MAF: variants seen among roughly 807,000 people sequenced by gnomAD.
MAF encodes the protein transcription factor Maf.
Under a neutral mutation model 22.0 loss-of-function variants are expected in MAF, and 10 were observed. The observed-to-expected ratio is 0.45, with a 90% CI of 0.28 to 0.77. The LOEUF (loss-of-function observed/expected upper bound fraction) is 0.77. Among genes scored for constraint, MAF ranks in the 30% least tolerant of loss-of-function variants. MAF has a pLI of 0.12. For missense variants in MAF, 544 were observed against 548.4 expected (o/e 0.99, Z 0.08); for synonymous variants, 337 against 255.8 (o/e 1.32, Z -3.03).
the MAF span, among the ~76,000 whole-genome samples, chr16:79,494,732 C>A: frequency 6.6e-6 from 1 of 152,128 alleles, no homozygotes; most frequent in African/African-American, 2.4e-5. Flanking sequence ...TCCCGGTAAC[C>A]GCCTGGAGTT....
At chr16:79,287,260 C>T in the MAF span, among the ~76,000 whole-genome samples, 1 of 152,108 alleles carries the variant, frequency 6.6e-6, no homozygotes, top group Admixed American at 6.6e-5. Context: ...TGCAGGATTG[C>T]GGCAGGCTGT....
At chr16:79,557,769 G>A in the MAF span, among the ~76,000 whole-genome samples, 1 of 152,034 alleles carries the variant, frequency 6.6e-6, no homozygotes, top group Non-Finnish European at 1.5e-5. Context: ...AGTGCCTACT[G>A]TATGCTGAGT....
intron 1 of MAF, chr16:79,595,584 A>G (rs78971625): frequency 0.079 from 83,879 of 1,059,220 alleles, 3,695 homozygotes; most frequent in Middle Eastern, 0.12. Flanking sequence ...GTGTCATTTA[A>G]AAATAGGTCA....
chr16:79,503,400 A>C, the MAF span, among the ~76,000 whole-genome samples: 1 of 152,242 alleles, frequency 6.6e-6, no homozygotes, highest in East Asian at 1.9e-4. Flanking sequence ...CTTTATAAAA[A>C]ATTTTGATAA....
the MAF span, among the ~76,000 whole-genome samples, chr16:79,225,803 G>C: frequency 6.6e-6 from 1 of 152,188 alleles, no homozygotes; most frequent in Non-Finnish European, 1.5e-5. Context: ...GGTCATTAGA[G>C]AAATGCAAAT....
chr16:79,281,224 G>A, the MAF span, among the ~76,000 whole-genome samples: 23 of 143,038 alleles, frequency 1.6e-4, no homozygotes, highest in South Asian at 2.2e-4. Flanking sequence ...GTTTCAATAT[G>A]AAAAAAAAAA....
the MAF span, among the ~76,000 whole-genome samples, chr16:79,435,074 C>G: frequency 6.6e-6 from 1 of 152,198 alleles, no homozygotes; most frequent in Admixed American, 6.5e-5. Flanking sequence ...TCAACGAAGA[C>G]TCTGTTTTGT....
chr16:79,399,269 G>A, the MAF span, among the ~76,000 whole-genome samples: 3 of 152,138 alleles, frequency 2.0e-5, no homozygotes, highest in Non-Finnish European at 4.4e-5. Flanking sequence ...CTAAGGAGGA[G>A]GTGAAAAAAT....
the MAF span, among the ~76,000 whole-genome samples, chr16:79,547,198 C>T: frequency 2.6e-5 from 4 of 151,900 alleles, no homozygotes; most frequent in African/African-American, 4.8e-5. Context: ...AACACACATC[C>T]CTCCATGCAC....
At chr16:79,501,248 A>G in the MAF span, among the ~76,000 whole-genome samples, 1 of 152,202 alleles carries the variant, frequency 6.6e-6, no homozygotes, top group Non-Finnish European at 1.5e-5. Flanking sequence ...AAGGGTTGTC[A>G]GATCCTTCTT....
chr16:79,560,315 C>T, the MAF span, among the ~76,000 whole-genome samples: 11 of 151,854 alleles, frequency 7.2e-5, no homozygotes, highest in Non-Finnish European at 7.4e-5. Context: ...TTGAGATGAA[C>T]GCGAAGAGAC....
At chr16:79,547,938 G>GAGAC in the MAF span, among the ~76,000 whole-genome samples, 2 of 151,652 alleles carry the variant, frequency 1.3e-5, no homozygotes, top group Non-Finnish European at 2.9e-5. Flanking sequence ...GAGAGAGAGA[G>GAGAC]AGAGAATAGC....
At chr16:79,444,600 A>C in the MAF span, among the ~76,000 whole-genome samples, 3 of 152,226 alleles carry the variant, frequency 2.0e-5, no homozygotes, top group African/African-American at 7.2e-5. Context: ...TCAGAGGATC[A>C]TTGTGAGAAG....
the MAF span, among the ~76,000 whole-genome samples, chr16:79,234,886 G>A: frequency 1.3e-5 from 2 of 152,040 alleles, no homozygotes; most frequent in African/African-American, 4.8e-5. Flanking sequence ...AGAAGCAGGG[G>A]CTTGACCTGC....
chr16:79,449,189 C>T, the MAF span, among the ~76,000 whole-genome samples: 3 of 152,252 alleles, frequency 2.0e-5, no homozygotes, highest in African/African-American at 4.8e-5. Context: ...TGACAGGAGG[C>T]GGTGGTAATG....
the MAF span, among the ~76,000 whole-genome samples, chr16:79,259,579 A>T: frequency 6.6e-6 from 1 of 152,194 alleles, no homozygotes; most frequent in South Asian, 2.1e-4. Flanking sequence ...GGTGCTCCGT[A>T]AATCATTGCT....
the MAF span, among the ~76,000 whole-genome samples, chr16:79,345,213 T>C: frequency 6.6e-6 from 1 of 152,184 alleles, no homozygotes; most frequent in Non-Finnish European, 1.5e-5. Flanking sequence ...ATATATTACT[T>C]GATCTGATTA....
chr16:79,361,750 C>G, the MAF span, among the ~76,000 whole-genome samples: 1 of 151,758 alleles, frequency 6.6e-6, no homozygotes, highest in South Asian at 2.1e-4. Flanking sequence ...AAGTTCGGTG[C>G]TGAATCCCCC....
chr16:79,583,254 T>C (rs1912635116), downstream of MAF, among the ~76,000 whole-genome samples: 1 of 152,214 alleles, frequency 6.6e-6, no homozygotes, highest in South Asian at 2.1e-4. Context: ...TTTCCCCAGT[T>C]CACAAAATCA....
Sources: allele counts gnomAD v4.1 joint callset (sites outside exome capture counted in the v4.1 genomes callset), GRCh38; gene constraint gnomAD v4.1.1; transcripts MANE v1.5; gene names NCBI Gene and HGNC (gene_info 2026-07-23, HGNC 2026-07-21).